Variants in CCDC12 observed in about 807,000 individuals in gnomAD.
CCDC12 encodes the protein coiled-coil domain containing 12, also known as coiled-coil domain-containing protein 12.
Under a neutral mutation model 25.7 loss-of-function variants are expected in CCDC12, and 28 were observed. The ratio of observed to expected loss-of-function variants is 1.09; its 90% CI spans 0.81 to 1.50. The LOEUF is 1.50. CCDC12 is among the 40% of genes most tolerant of loss of function. CCDC12 has a pLI of 0.00. For missense variants in CCDC12, 198 were observed against 210.0 expected, an observed-to-expected ratio of 0.94 and a Z score of 0.35; for synonymous variants, 75 against 87.7, an observed-to-expected ratio of 0.86 and a Z score of 0.81.
At chr3:46,953,160 A>G (rs937506455) in intron 1 of CCDC12, among the ~76,000 whole-genome samples, 2 of 152,214 alleles carry the variant, frequency 1.3e-5, no homozygotes, top group South Asian at 2.1e-4. Context: ...GAAATAAAAG[A>G]GCAATGCATG....
intron 1 of CCDC12, among the ~76,000 whole-genome samples, chr3:46,969,778 T>C (rs1321204332): frequency 1.3e-5 from 2 of 152,200 alleles, no homozygotes; most frequent in African/African-American, 4.8e-5. Context: ...ACACAGTTTC[T>C]TGTAAGTCAG....
upstream of CCDC12, among the ~76,000 whole-genome samples, chr3:46,977,923 C>T (rs1054555186): frequency 1.3e-5 from 2 of 152,208 alleles, no homozygotes; most frequent in East Asian, 1.9e-4. Context: ...CTGATAACCG[C>T]GAGACCACTT....
At chr3:46,959,978 A>T (rs1271434994) in intron 1 of CCDC12, among the ~76,000 whole-genome samples, 1 of 152,190 alleles carries the variant, frequency 6.6e-6, no homozygotes, top group Non-Finnish European at 1.5e-5. Context: ...AATGAGATAA[A>T]GCAGGGTATG....
chr3:46,922,367 T>C (rs1201370317), intron 5 of CCDC12, 55 bp from the exon 6 acceptor site: 6 of 1,589,576 alleles, frequency 3.8e-6, no homozygotes, highest in Middle Eastern at 1.7e-4. Context: ...TGATGTGGCA[T>C]TGGGTCCCCT....
chr3:46,936,576 T>C (rs2033450671), intron 2 of CCDC12, among the ~76,000 whole-genome samples: 1 of 152,172 alleles, frequency 6.6e-6, no homozygotes, highest in African/African-American at 2.4e-5. Context: ...GTTAGAAAAT[T>C]AACTGGCAGG....
intron 1 of CCDC12, among the ~76,000 whole-genome samples, chr3:46,956,695 C>T (rs568489552): frequency 2.0e-5 from 3 of 152,194 alleles, no homozygotes; most frequent in East Asian, 3.9e-4. Flanking sequence ...GTAGTGTGCA[C>T]CTGTAGTCCC....
intron 1 of CCDC12, among the ~76,000 whole-genome samples, chr3:46,948,423 G>C (rs1246489289): frequency 5.3e-5 from 8 of 152,216 alleles, no homozygotes; most frequent in Non-Finnish European, 7.3e-5. Flanking sequence ...CGGTGGACTA[G>C]AACAAGGAGG....
At chr3:46,962,172 G>A (rs1047631435) in intron 1 of CCDC12, among the ~76,000 whole-genome samples, 1 of 152,060 alleles carries the variant, frequency 6.6e-6, no homozygotes. Flanking sequence ...GGCGGCTCTC[G>A]TCTGTAATCT....
chr3:46,963,937 C>A (rs1481053513), intron 1 of CCDC12, among the ~76,000 whole-genome samples: 13 of 150,756 alleles, frequency 8.6e-5, no homozygotes, highest in African/African-American at 2.2e-4. Context: ...ATGTGAGGAG[C>A]CCCTCTGCCT....
Position 46,951,913 on chromosome 3 carries a change from C to A in CCDC12, c.97-10848G>T, listed in dbSNP as rs541721704. ...CCCCAGGCTACAAGAACAGGCACCA[C>A]CCATCTGTGAAGTTTCCCCACAGAA... On this transcript the variant is annotated intron_variant, in intron 1 of 6. Coordinates refer to ENST00000683445, the MANE Select transcript of CCDC12 (RefSeq NM_001277074.2). Among the ~76,000 whole-genome samples the A allele has an allele frequency of 5.5e-4, 81 of 147,284 alleles. 1 individual carries two copies. In the Middle Eastern group the frequency reaches 0.01, roughly 19 times the overall value.
chr3:46,973,399 A>G (rs1250076676), intron 1 of CCDC12, among the ~76,000 whole-genome samples: 4 of 147,460 alleles, frequency 2.7e-5, no homozygotes, highest in Non-Finnish European at 5.9e-5. Flanking sequence ...AGAGGCTGAG[A>G]CAGGAAAATT....
At chr3:46,929,227 A>G (rs185888586) in intron 2 of CCDC12, among the ~76,000 whole-genome samples, 27 of 152,358 alleles carry the variant, frequency 1.8e-4, no homozygotes, top group African/African-American at 6.3e-4. Flanking sequence ...TCACTAAAAG[A>G]AAGGGAAAAC....
At chr3:46,954,824 T>C (rs1236064379) in intron 1 of CCDC12, among the ~76,000 whole-genome samples, 1 of 152,088 alleles carries the variant, frequency 6.6e-6, no homozygotes, top group Non-Finnish European at 1.5e-5. Flanking sequence ...CTCAGGAGGC[T>C]GAGCAGGAGA....
chr3:46,944,127 T>C (rs2033817793), intron 1 of CCDC12, among the ~76,000 whole-genome samples: 1 of 152,160 alleles, frequency 6.6e-6, no homozygotes, highest in Non-Finnish European at 1.5e-5. Context: ...GCTCGCAGGA[T>C]CACCCATTCT....
At chr3:46,970,874 C>T (rs575838880) in intron 1 of CCDC12, among the ~76,000 whole-genome samples, 1 of 152,306 alleles carries the variant, frequency 6.6e-6, no homozygotes, top group South Asian at 2.1e-4. Flanking sequence ...CCTACTCACC[C>T]AGCCAGGAAC....
upstream of CCDC12, chr3:46,979,799 G>A: frequency 2.6e-6 from 1 of 389,682 alleles, no homozygotes; most frequent in Non-Finnish European, 4.5e-6. Context: ...GAGGGCAACC[G>A]GCGGGCGGCG....
At chr3:46,941,297 T>C (rs2107138928) in intron 1 of CCDC12, among the ~76,000 whole-genome samples, 1 of 152,262 alleles carries the variant, frequency 6.6e-6, no homozygotes, top group South Asian at 2.1e-4. Context: ...GCGCGGTGGC[T>C]CATGCCTGTA....
At chr3:46,935,280 G>A (rs1288942729) in intron 2 of CCDC12, among the ~76,000 whole-genome samples, 1 of 152,178 alleles carries the variant, frequency 6.6e-6, no homozygotes, top group African/African-American at 2.4e-5. Flanking sequence ...TGGAGGTTGG[G>A]AGGTCGGGAC....
intron 1 of CCDC12, among the ~76,000 whole-genome samples, chr3:46,956,079 C>T (rs1404752489): frequency 6.6e-6 from 1 of 152,230 alleles, no homozygotes; most frequent in Non-Finnish European, 1.5e-5. Context: ...TTTCAAAATT[C>T]TCTCAAATAA....
Sources: gnomAD v4.1 joint callset for allele counts (sites outside exome capture counted in the v4.1 genomes callset) on GRCh38, gnomAD v4.1.1 for gene constraint, MANE v1.5 for transcripts, NCBI Gene and HGNC (gene_info 2026-07-23, HGNC 2026-07-21) for gene names.